The following QKI variants were observed in gnomAD, a reference collection of about 807,000 sequenced individuals.
QKI encodes KH domain-containing RNA-binding protein QKI.
A neutral mutation model predicts 39.0 loss-of-function variants in QKI; 10 were observed. That is an observed-to-expected ratio of 0.26 (90% CI 0.16 to 0.43). The LOEUF (loss-of-function observed/expected upper bound fraction) is 0.43, where lower values mean the gene tolerates loss of function less well. Ranked by LOEUF, QKI falls within the 20% of genes least tolerant of loss-of-function variation. The pLI, the probability that QKI is intolerant of heterozygous loss-of-function variation, is 1.00. For missense variants in QKI, 218 were observed against 428.0 expected (o/e 0.51, Z 4.33); for synonymous variants, 204 against 155.4 (o/e 1.31, Z -2.33).
At chr6:163,564,455 C>G (rs1783228807) in intron 6 of QKI, 14 of 1,405,744 alleles carry the variant, frequency 1.0e-5, no homozygotes, top group Non-Finnish European at 1.3e-5. Context: ...TAAGATTTTT[C>G]AGTTCTTGTG....
At chr6:163,509,190 G>A (rs933365590) in intron 3 of QKI, among the ~76,000 whole-genome samples, 2 of 152,032 alleles carry the variant, frequency 1.3e-5, no homozygotes, top group African/African-American at 4.8e-5. Flanking sequence ...GTAAGAAATT[G>A]CCAACCCTGA....
At chr6:163,494,950 CTG>C (rs1014041624) in intron 3 of QKI, among the ~76,000 whole-genome samples, 1 of 151,622 alleles carries the variant, frequency 6.6e-6, no homozygotes, top group African/African-American at 2.4e-5. Flanking sequence ...GAGTCACACT[CTG>C]TCGTCCAGGC....
At chr6:163,533,944 C>T (rs1781034736) in intron 3 of QKI, among the ~76,000 whole-genome samples, 1 of 152,148 alleles carries the variant, frequency 6.6e-6, no homozygotes, top group African/African-American at 2.4e-5. Context: ...TTTATTATGC[C>T]TGCTTTATTT....
chr6:163,426,147 C>T (rs886595377), intron 1 of QKI, among the ~76,000 whole-genome samples: 2 of 152,076 alleles, frequency 1.3e-5, no homozygotes, highest in Admixed American at 6.5e-5. Flanking sequence ...AGTGGATCCC[C>T]TGATATTCTT....
At chr6:163,490,931 T>C (rs763933248) in intron 3 of QKI, among the ~76,000 whole-genome samples, 3 of 152,196 alleles carry the variant, frequency 2.0e-5, no homozygotes, top group Non-Finnish European at 4.4e-5. Flanking sequence ...AAAACAAATA[T>C]AATCTCTTAA....
intron 2 of QKI, among the ~76,000 whole-genome samples, chr6:163,459,726 T>C (rs1791205615): frequency 1.3e-5 from 2 of 152,132 alleles, no homozygotes; most frequent in East Asian, 3.8e-4. Context: ...CACTCTGTGG[T>C]TTTTGTGATT....
intron 3 of QKI, among the ~76,000 whole-genome samples, chr6:163,481,788 A>G (rs912208754): frequency 7.9e-5 from 12 of 152,210 alleles, no homozygotes; most frequent in African/African-American, 2.9e-4. Flanking sequence ...CTTGAAAACT[A>G]TTATGAACTT....
intron 3 of QKI, among the ~76,000 whole-genome samples, chr6:163,491,670 A>G (rs1402930343): frequency 6.6e-6 from 1 of 152,208 alleles, no homozygotes; most frequent in Non-Finnish European, 1.5e-5. Context: ...ATATCTCAGT[A>G]CATTTATAGA....
chr6:163,415,262 C>T lies in QKI; in HGVS notation c.69C>T (p.Asn23=). The T allele has an allele frequency of 6.3e-6, 10 of 1,597,886 alleles. No individual in the cohort carries two copies. Among genetic ancestry groups the T allele is most frequent in the Non-Finnish European group, 8.5e-6 (10 of 1,169,868 alleles). The part of the protein sequence containing the change: ...PTPDYLMQLM[N]DKKLMSSLPN... ...CAGATTACCTGATGCAGCTGATGAA[C>T]GACAAGAAGCTCATGAGCAGCCTGC... The change falls in exon 1 of 8, where the codon AAC becomes AAT. Residue 23 remains asparagine (N), a synonymous_variant. Transcript: ENST00000361752.
intron 3 of QKI, among the ~76,000 whole-genome samples, chr6:163,510,897 G>T (rs1430632616): frequency 6.6e-6 from 1 of 152,062 alleles, no homozygotes; most frequent in Non-Finnish European, 1.5e-5. Context: ...TTACTCAGAA[G>T]ATTTGAAATT....
intron 1 of QKI, chr6:163,423,496 A>C (rs528426490): frequency 6.6e-6 from 1 of 152,294 alleles, no homozygotes; most frequent in African/African-American, 2.4e-5. Flanking sequence ...CCTCTGTTCC[A>C]TTTTGTGGCG....
chr6:163,494,413 GA>G (rs1161965366), intron 3 of QKI, among the ~76,000 whole-genome samples: 2 of 152,118 alleles, frequency 1.3e-5, no homozygotes, highest in African/African-American at 2.4e-5. Context: ...ACACAGTGTT[GA>G]TTTTTTATTT....
intron 3 of QKI, among the ~76,000 whole-genome samples, chr6:163,503,137 A>ATTT (rs57383986): frequency 4.0e-5 from 4 of 100,032 alleles, no homozygotes; most frequent in African/African-American, 1.1e-4. Context: ...GGCCCCTTGT[A>ATTT]TTTTTTTTTT....
At position 163,575,881 on chromosome 6, in the gene QKI, G is replaced by C. The variant is rs774075669; in HGVS notation, c.*5171G>C. 10 of 152,060 alleles carry C rather than the reference G, an allele frequency of 6.6e-5. No homozygotes were observed. The highest frequency in any genetic ancestry group is 5.9e-4 in the Admixed American group (9 of 15,254). 9.4% of individuals were successfully genotyped at this position (152,060 alleles called of 1,614,324 possible). ...TTTAGTTTTAGGATGGGGTGGGGTG[G>C]GAGTGGTTTTGCATGTTTGACCAGG... On this transcript the variant is annotated 3_prime_UTR_variant, in exon 8 of 8. Transcript: ENST00000361752.
chr6:163,415,897 T>G (rs748350215), intron 1 of QKI: 3 of 512,978 alleles, frequency 5.8e-6, no homozygotes, highest in South Asian at 4.3e-5. Flanking sequence ...TAAGTGGAAG[T>G]CAGTGTGGGG....
chr6:163,499,236 G>A (rs530149939), intron 3 of QKI, among the ~76,000 whole-genome samples: 1 of 152,156 alleles, frequency 6.6e-6, no homozygotes, highest in Non-Finnish European at 1.5e-5. Flanking sequence ...TTCAGGAATA[G>A]TGATGATTGA....
rs1253185262 is a variant in QKI, at chr6:163,505,624, A to G, written c.402+26728A>G. ...GCTTGTGGCCCCTTTGTTTTGGCCA[A>G]TTTCTCCCATTTGGAATGGGAACAT... is the stretch of plus-strand genomic sequence containing the variant. On this transcript the variant is annotated intron_variant, in intron 3 of 7. Coordinates refer to ENST00000361752, the MANE Select transcript of QKI (RefSeq NM_006775.3). 3.3e-5 allele frequency among the ~76,000 whole-genome samples: 5 copies of G among 152,184 alleles called. No homozygotes were observed. In the East Asian group the frequency reaches 7.7e-4, roughly 24 times the overall value.
intron 7 of QKI, chr6:163,567,388 C>T (rs950116417): frequency 1.2e-5 from 12 of 984,966 alleles, no homozygotes; most frequent in South Asian, 9.4e-5. Flanking sequence ...TAAATTAGAG[C>T]GTCAATTCCC....
At chr6:163,482,377 C>T (rs919949250) in intron 3 of QKI, among the ~76,000 whole-genome samples, 6 of 152,114 alleles carry the variant, frequency 3.9e-5, no homozygotes, top group African/African-American at 1.4e-4. Flanking sequence ...AAGGGTTTCT[C>T]CCCACAAACC....
Sources: allele counts gnomAD v4.1 joint callset (sites outside exome capture counted in the v4.1 genomes callset), GRCh38; gene constraint gnomAD v4.1.1; transcripts MANE v1.5; gene names NCBI Gene and HGNC (gene_info 2026-07-23, HGNC 2026-07-21).